Variants in UGT1A7 observed in about 807,000 individuals in gnomAD.
UGT1A7 encodes UDP-glucuronosyltransferase 1A7.
A neutral mutation model predicts 45.6 loss-of-function variants in UGT1A7; 33 were observed. The observed-to-expected ratio is 0.72, with a 90% CI of 0.55 to 0.97. The LOEUF (loss-of-function observed/expected upper bound fraction) is 0.97, where lower values mean the gene tolerates loss of function less well. UGT1A7 is among the 50% of genes least tolerant of loss of function. The pLI is 0.00. For synonymous variants in UGT1A7, 274 were observed against 250.6 expected, an observed-to-expected ratio of 1.09 and a Z score of -0.88; for missense variants, 684 against 666.2, an observed-to-expected ratio of 1.03 and a Z score of -0.29.
At chr2:233,700,348 T>C (rs1340471212) in intron 1 of UGT1A7, among the ~76,000 whole-genome samples, 1 of 152,336 alleles carries the variant, frequency 6.6e-6, no homozygotes, top group East Asian at 1.9e-4. Flanking sequence ...ACCCTGTGCT[T>C]ATCTTTATGG....
chr2:233,748,002 G>C (rs1380342969), intron 1 of UGT1A7: 18 of 1,613,382 alleles, frequency 1.1e-5, no homozygotes, highest in Non-Finnish European at 1.4e-5. Flanking sequence ...CTTTGTGATG[G>C]ATTACCCCAG....
intron 1 of UGT1A7, among the ~76,000 whole-genome samples, chr2:233,695,609 A>G (rs1437584077): frequency 6.6e-6 from 1 of 151,892 alleles, no homozygotes; most frequent in Admixed American, 6.6e-5. Flanking sequence ...GTAATTACCA[A>G]TGAACTCTCT....
At chr2:233,719,425 C>T (rs766948934) in intron 1 of UGT1A7, 1 of 1,613,998 alleles carries the variant, frequency 6.2e-7, no homozygotes, top group East Asian at 2.2e-5. Context: ...ACGACCAATT[C>T]AGACCACATG....
intron 1 of UGT1A7, chr2:233,729,953 T>A (rs371021401): frequency 6.2e-7 from 1 of 1,614,064 alleles, no homozygotes; most frequent in Non-Finnish European, 8.5e-7. Context: ...ATGGTCTTCA[T>A]TGGGGGCATC....
chr2:233,723,456 C>T (rs548922303), intron 1 of UGT1A7, among the ~76,000 whole-genome samples: 9 of 138,712 alleles, frequency 6.5e-5, no homozygotes, highest in South Asian at 2.7e-4. Flanking sequence ...GTGATCCACC[C>T]GCCTCAGCCT....
chr2:233,724,310 G>C (rs1212736933), intron 1 of UGT1A7, among the ~76,000 whole-genome samples: 1 of 141,058 alleles, frequency 7.1e-6, no homozygotes, highest in African/African-American at 2.6e-5. Context: ...CCTCCCTCCC[G>C]GACGGGGCGG....
At position 233,769,833 on chromosome 2, in the gene UGT1A7, G is replaced by A. The variant is rs567832844; in HGVS notation, c.1295+1394G>A. The A allele has an allele frequency of 4.3e-4, 293 of 685,174 alleles. No homozygotes were observed. The African/African-American group carries it at 5.2e-3, about 12-fold the overall frequency. The allele number at this position is 685,174 out of a possible 1,614,324, so 42.4% of individuals were successfully genotyped here. On this transcript the variant is annotated intron_variant, in intron 4 of 4. Coordinates refer to ENST00000373426, the MANE Select transcript of UGT1A7 (RefSeq NM_019077.3). The surrounding 1 kb of genome is among the most constrained non-coding windows in gnomAD (Gnocchi z 4.4). ...TCATGCCACTGCACTCCAGCAACCT[G>A]GGCAACAGAGTGAGACCCTGTCTCA...
rs958541757 is a variant in UGT1A7 at position 233,749,447 on chromosome 2, G to A, written c.856-17587G>A. Among the ~76,000 whole-genome samples, 14 of 151,852 alleles carry A rather than the reference G, an allele frequency of 9.2e-5. 1 individual carries two copies. Among genetic ancestry groups the A allele is most frequent in the African/African-American group, 3.4e-4 (14 of 41,136 alleles). ...AAAACTTCACTGTCATCTCAGTGGAGCAGAACGAATTGGGAACTGTGGCAC... is the reference window on the plus strand; with the variant it reads ...AAAACTTCACTGTCATCTCAGTGGAACAGAACGAATTGGGAACTGTGGCAC... On this transcript the variant is annotated intron_variant, in intron 1 of 4. Transcript: ENST00000373426.
At chr2:233,767,659 C>G (rs975874168) in intron 2 of UGT1A7, among the ~76,000 whole-genome samples, 190 bp from the exon 3 acceptor site, 4 of 152,186 alleles carry the variant, frequency 2.6e-5, no homozygotes, top group African/African-American at 9.7e-5. Context: ...TGCATACACC[C>G]TTGTAACTAA....
At chr2:233,770,517 G>A (rs1365458811) in intron 4 of UGT1A7, 2 of 152,204 alleles carry the variant, frequency 1.3e-5, no homozygotes, top group African/African-American at 4.8e-5. Flanking sequence ...AATTACCCAG[G>A]CATGGTGGTG....
At position 233,772,792 on chromosome 2, in the gene UGT1A7, A is replaced by C; in HGVS notation, c.*233A>C. 2.5e-6 allele frequency: 3 copies of C among 1,219,898 alleles called. No individual in the cohort carries two copies. Among genetic ancestry groups the C allele is most frequent in the Non-Finnish European group, 3.3e-6 (3 of 917,948 alleles). The allele number at this position is 1,219,898 out of a possible 1,614,324, so 75.6% of individuals were successfully genotyped here. On this transcript the variant is annotated 3_prime_UTR_variant, in exon 5 of 5. Transcript: ENST00000373426. ...CTCTGGTGTCTTTGATCAGGATGAC[A>C]TGTGCCATTTTTCAGAGGACGTGCA...
chr2:233,766,377 A>G (rs1392093575), intron 1 of UGT1A7, among the ~76,000 whole-genome samples: 1 of 151,914 alleles, frequency 6.6e-6, no homozygotes. Flanking sequence ...AGTTCTTCTC[A>G]ATGTCCAGCT....
Position 233,772,413 on chromosome 2 carries a change from T to G in UGT1A7, c.1447T>G (p.Tyr483Asp), listed in dbSNP as rs34993780. 159 of 1,614,182 alleles carry G rather than the reference T, an allele frequency of 9.9e-5. No homozygotes were observed. In the East Asian group the frequency reaches 2.1e-3, roughly 21 times the overall value. Reference sequence around the variant, plus strand: ...AGCCCACGACCTCACCTGGTACCAGTACCATTCCTTGGACGTGATTGGTTT... The same window carrying G: ...AGCCCACGACCTCACCTGGTACCAGGACCATTCCTTGGACGTGATTGGTTT... ...PAAHDLTWYQ[Y>D]HSLDVIGFLL... The change falls in exon 5 of 5, where the codon TAC becomes GAC. Residue 483 changes from tyrosine to aspartate, a missense_variant. By Grantham distance (160) the Tyr-to-Asp change is radical (BLOSUM62 -3). Transcript: ENST00000373426.
intron 1 of UGT1A7, chr2:233,729,458 T>G: frequency 6.2e-7 from 1 of 1,614,110 alleles, no homozygotes; most frequent in Non-Finnish European, 8.5e-7. Flanking sequence ...AAGAAATTTT[T>G]CAGAAGTATG....
intron 1 of UGT1A7, among the ~76,000 whole-genome samples, chr2:233,764,945 G>GA (rs2126013513): frequency 6.6e-6 from 1 of 152,312 alleles, no homozygotes; most frequent in Non-Finnish European, 1.5e-5. Context: ...GAGTGGCGGG[G>GA]AGAGAGGGCT....
At position 233,769,699 on chromosome 2, in the gene UGT1A7, A is replaced by G. The variant is rs1699920777; in HGVS notation, c.1295+1260A>G. On this transcript the variant is annotated intron_variant, in intron 4 of 4. Transcript: ENST00000373426. The surrounding 1 kb of genome is among the most constrained non-coding windows in gnomAD (Gnocchi z 4.4). ...TGTGTGTGGTGGCACTGGATAAAAG[A>G]TCAATGTTGGCTAGGCACCATGGCA... 4 of 1,529,942 alleles carry G rather than the reference A, an allele frequency of 2.6e-6. No individual in the cohort carries two copies. The South Asian group carries it at 3.8e-5, about 14-fold the overall frequency. 94.8% of individuals were successfully genotyped at this position (1,529,942 alleles called of 1,614,324 possible). A position where few individuals can be genotyped will look rare whatever the true frequency, so the allele number is the denominator to read the frequency against.
intron 1 of UGT1A7, chr2:233,755,019 T>C (rs1378423497): frequency 1.5e-6 from 2 of 1,304,298 alleles, no homozygotes; most frequent in South Asian, 2.3e-5. Flanking sequence ...GAAGGGGTCC[T>C]TGAAGGGCCT....
intron 1 of UGT1A7, among the ~76,000 whole-genome samples, chr2:233,727,070 C>G (rs1272254879): frequency 6.6e-6 from 1 of 152,126 alleles, no homozygotes; most frequent in Non-Finnish European, 1.5e-5. Context: ...TTTCTGTGTT[C>G]TCTTACAAAC....
Position 233,701,581 on chromosome 2 carries a change from C to A in UGT1A7, c.855+18789C>A, listed in dbSNP as rs545182540. 1.6e-3 allele frequency among the ~76,000 whole-genome samples: 239 copies of A among 152,228 alleles called. 2 individuals carry two copies. The highest frequency in any genetic ancestry group is 5.4e-3 in the African/African-American group (224 of 41,532). ...ACACCACACCTACTCCAAAATTGACCACATAGTTGGAAGTAAAGCACTCCT... is the reference window on the plus strand; with the variant it reads ...ACACCACACCTACTCCAAAATTGACAACATAGTTGGAAGTAAAGCACTCCT... On this transcript the variant is annotated intron_variant, in intron 1 of 4. Transcript: ENST00000373426.
Sources: allele counts gnomAD v4.1 joint callset (sites outside exome capture counted in the v4.1 genomes callset), GRCh38; gene constraint gnomAD v4.1.1; non-coding constraint Gnocchi (gnomAD v3.1); transcripts MANE v1.5; gene names NCBI Gene and HGNC (gene_info 2026-07-23, HGNC 2026-07-21).